The following DNM3 variants were observed in gnomAD, a reference collection of about 807,000 sequenced individuals.
DNM3 encodes dynamin 3, also known as dynamin-3.
Under a neutral mutation model 101.6 loss-of-function variants are expected in DNM3, and 47 were observed. That is an observed-to-expected ratio of 0.46 (90% CI 0.37 to 0.59). The LOEUF (loss-of-function observed/expected upper bound fraction) is 0.59, where lower values mean the gene tolerates loss of function less well. DNM3 is among the 20% of genes least tolerant of loss of function. DNM3 has a pLI of 0.00. For missense variants in DNM3, 849 were observed against 1,085.7 expected (o/e 0.78, Z 3.06); for synonymous variants, 385 against 387.9 (o/e 0.99, Z 0.09).
At chr1:172,350,736 G>A (rs1162019222) in intron 17 of DNM3, among the ~76,000 whole-genome samples, 1 of 152,030 alleles carries the variant, frequency 6.6e-6, no homozygotes, top group Non-Finnish European at 1.5e-5. Flanking sequence ...ATATCAGCAG[G>A]GAACTCATCT....
At chr1:171,914,518 A>T (rs185753785) in intron 1 of DNM3, among the ~76,000 whole-genome samples, 116 of 152,218 alleles carry the variant, frequency 7.6e-4, no homozygotes, top group African/African-American at 6.0e-4. Flanking sequence ...ATTTTTTTTT[A>T]AATTTTATTT....
chr1:172,107,474 C>T (rs1024769403), intron 13 of DNM3, among the ~76,000 whole-genome samples: 2 of 152,114 alleles, frequency 1.3e-5, no homozygotes, highest in African/African-American at 4.8e-5. Context: ...GAGACTGCTG[C>T]ACAGGGATGT....
At chr1:171,908,489 G>C (rs930365607) in intron 1 of DNM3, among the ~76,000 whole-genome samples, 2 of 151,982 alleles carry the variant, frequency 1.3e-5, no homozygotes, top group Non-Finnish European at 2.9e-5. Context: ...CCATCCAGTG[G>C]ATCAGGAGAT....
At chr1:171,902,242 T>C (rs1288629364) in intron 1 of DNM3, among the ~76,000 whole-genome samples, 3 of 152,230 alleles carry the variant, frequency 2.0e-5, no homozygotes, top group South Asian at 2.1e-4. Context: ...GTAGAAACTA[T>C]TAAAAATCAA....
At chr1:171,899,644 A>G (rs942004199) in intron 1 of DNM3, among the ~76,000 whole-genome samples, 3 of 152,230 alleles carry the variant, frequency 2.0e-5, no homozygotes, top group Non-Finnish European at 2.9e-5. Flanking sequence ...GTAGTTACTA[A>G]GGGTTTGTTT....
At chr1:172,010,480 C>CT (rs60970944) in intron 4 of DNM3, among the ~76,000 whole-genome samples, 1,561 of 143,946 alleles carry the variant, frequency 0.011, 29 homozygotes, top group African/African-American at 0.036. Flanking sequence ...AGGTGATAAT[C>CT]TTTTTTTTTT....
chr1:171,842,276 G>A (rs964496258), intron 1 of DNM3, among the ~76,000 whole-genome samples: 1 of 152,132 alleles, frequency 6.6e-6, no homozygotes, highest in Non-Finnish European at 1.5e-5. Flanking sequence ...TGAGGCTGTG[G>A]GGCTTTATCC....
chr1:172,167,703 C>T (rs537074959), intron 14 of DNM3, among the ~76,000 whole-genome samples: 6 of 151,972 alleles, frequency 3.9e-5, no homozygotes, highest in Admixed American at 3.9e-4. Flanking sequence ...CAAAGGAAAT[C>T]TCATTTTTTT....
At chr1:172,141,091 T>C (rs1233773123) in intron 14 of DNM3, among the ~76,000 whole-genome samples, 2 of 152,036 alleles carry the variant, frequency 1.3e-5, no homozygotes, top group South Asian at 2.1e-4. Flanking sequence ...AAGTCTTCTG[T>C]AGTGAAATTA....
chr1:172,185,205 G>A (rs2059482038), intron 14 of DNM3, among the ~76,000 whole-genome samples: 2 of 152,108 alleles, frequency 1.3e-5, no homozygotes, highest in African/African-American at 4.8e-5. Context: ...TGCATCGGCA[G>A]TGAGATTGAA....
intron 1 of DNM3, among the ~76,000 whole-genome samples, chr1:171,901,854 A>G (rs528995470): frequency 2.0e-5 from 3 of 152,304 alleles, no homozygotes; most frequent in African/African-American, 7.2e-5. Flanking sequence ...GACCTTTCCT[A>G]AAGGGTCTCA....
At chr1:172,106,847 C>CT (rs1165611083) in intron 13 of DNM3, among the ~76,000 whole-genome samples, 6,468 of 66,868 alleles carry the variant, frequency 0.097, 1,512 homozygotes, top group East Asian at 0.26. Flanking sequence ...TAACATTATT[C>CT]TTTTTTTTTT....
At chr1:172,271,369 A>C (rs1227171932) in intron 15 of DNM3, among the ~76,000 whole-genome samples, 1 of 152,164 alleles carries the variant, frequency 6.6e-6, no homozygotes, top group East Asian at 1.9e-4. Flanking sequence ...TAACCCTAAT[A>C]AACCCATTTT....
At chr1:172,261,023 T>C (rs1416227880) in intron 15 of DNM3, among the ~76,000 whole-genome samples, 1 of 152,076 alleles carries the variant, frequency 6.6e-6, no homozygotes, top group Non-Finnish European at 1.5e-5. Context: ...GATTTGATCA[T>C]AGCAGCCTCT....
chr1:172,233,317 AC>A (rs752955946), intron 14 of DNM3, among the ~76,000 whole-genome samples: 1 of 152,198 alleles, frequency 6.6e-6, no homozygotes, highest in Non-Finnish European at 1.5e-5. Context: ...CTGGACACAT[AC>A]ACCCTCAGAA....
rs538356027 is a variant in DNM3 at position 172,037,504 on chromosome 1, C to CTTAA, written c.850-812_850-811insATTA. ...CTTTTCATTGATTTCAAGTTCATCA[C>CTTAA]TTAGGAAGTTCAAGATTATCTGTTT... On this transcript the variant is annotated intron_variant, in intron 6 of 20. Coordinates refer to ENST00000627582, the MANE Select transcript of DNM3 (RefSeq NM_015569.5). Among the ~76,000 whole-genome samples, 24 of 152,282 alleles carry CTTAA rather than the reference C, an allele frequency of 1.6e-4. No individual in the cohort carries two copies. In the East Asian group the frequency reaches 3.3e-3, roughly 21 times the overall value.
chr1:172,347,205 C>CA (rs1291626056), intron 17 of DNM3, among the ~76,000 whole-genome samples: 7 of 151,548 alleles, frequency 4.6e-5, no homozygotes, highest in Admixed American at 2.6e-4. Context: ...CCCCCCCCGC[C>CA]AAAAAAAATT....
At chr1:172,122,958 G>A (rs1368745260) in intron 13 of DNM3, among the ~76,000 whole-genome samples, 1 of 152,136 alleles carries the variant, frequency 6.6e-6, no homozygotes, top group Non-Finnish European at 1.5e-5. Flanking sequence ...TAATGTGTGT[G>A]AAGCTCTTAG....
chr1:172,351,311 G>A (rs1207142587), intron 17 of DNM3, among the ~76,000 whole-genome samples: 1 of 152,072 alleles, frequency 6.6e-6, no homozygotes, highest in Non-Finnish European at 1.5e-5. Flanking sequence ...TACACAAAAT[G>A]GGAACTAGTG....
Sources: gnomAD v4.1 joint callset for allele counts (sites outside exome capture counted in the v4.1 genomes callset) on GRCh38, gnomAD v4.1.1 for gene constraint, MANE v1.5 for transcripts, NCBI Gene and HGNC (gene_info 2026-07-23, HGNC 2026-07-21) for gene names.